Variants in ZEB1 observed in about 807,000 individuals in gnomAD.
ZEB1 encodes the protein zinc finger E-box-binding homeobox 1.
ZEB1 carries 21 observed loss-of-function variants against 84.9 expected under a neutral mutation model. The ratio of observed to expected loss-of-function variants is 0.25; its 90% CI spans 0.18 to 0.36. The LOEUF (loss-of-function observed/expected upper bound fraction) is 0.36. ZEB1 is among the 10% of genes least tolerant of loss of function. The pLI, the probability that ZEB1 is intolerant of heterozygous loss-of-function variation, is 1.00. For missense variants in ZEB1, 1,104 were observed against 1,330.2 expected (o/e 0.83, Z 2.65); for synonymous variants, 420 against 471.1 (o/e 0.89, Z 1.41).
intron 2 of ZEB1, among the ~76,000 whole-genome samples, chr10:31,480,963 C>G (rs2064968759): frequency 6.6e-6 from 1 of 151,888 alleles, no homozygotes; most frequent in Admixed American, 6.6e-5. Flanking sequence ...GGAAACATTG[C>G]CATAGTTATA....
intron 2 of ZEB1, among the ~76,000 whole-genome samples, chr10:31,468,706 C>A (rs1406380501): frequency 6.6e-6 from 1 of 152,124 alleles, no homozygotes; most frequent in Non-Finnish European, 1.5e-5. Context: ...CCTAAAAGCA[C>A]GTAGAAGCAA....
intron 1 of ZEB1, among the ~76,000 whole-genome samples, chr10:31,408,531 T>G (rs1032479023): frequency 1.6e-4 from 24 of 149,170 alleles, no homozygotes; most frequent in Non-Finnish European, 3.4e-4. Context: ...AGCATGGTAC[T>G]GGTACCAAAA....
intron 1 of ZEB1, among the ~76,000 whole-genome samples, chr10:31,407,883 G>T (rs1469514153): frequency 1.3e-4 from 20 of 149,564 alleles, no homozygotes; most frequent in African/African-American, 3.5e-4. Flanking sequence ...AGTGTTGGAA[G>T]TTCTGGCCAG....
intron 3 of ZEB1, among the ~76,000 whole-genome samples, chr10:31,497,539 G>A (rs2067423982): frequency 6.6e-6 from 1 of 152,134 alleles, no homozygotes; most frequent in African/African-American, 2.4e-5. Flanking sequence ...TAAAGCTCCA[G>A]TGAGTGTAGC....
intron 2 of ZEB1, among the ~76,000 whole-genome samples, chr10:31,472,445 G>C (rs1199189629): frequency 5.3e-5 from 8 of 152,060 alleles, no homozygotes; most frequent in South Asian, 2.1e-4. Flanking sequence ...TGCAAATAAA[G>C]TAGAAAATCT....
At position 31,520,308 on chromosome 10, in the gene ZEB1, C is replaced by T. The variant is rs1057518956; in HGVS notation, c.976C>T (p.Arg326Ter). Reference protein sequence around the residue: ...SLSASPGSPTRPQIRQKIENK... With the variant: ...SLSASPGSPT ...TTCAGCATCACCAGGCAGTCCCACA[C>T]GACCACAGATACGGCAAAAGATAGA... The change falls in exon 7 of 9, where the codon CGA becomes TGA. Residue 326 changes from arginine to a stop codon, truncating the protein, a stop_gained. Transcript: ENST00000424869. LOFTEE classifies it high-confidence loss of function. This position sits in a 1 kb window ranked among gnomAD's most constrained non-coding sequence, Gnocchi z 5.1. The T allele has an allele frequency of 1.2e-6, 2 of 1,613,960 alleles. No homozygotes were observed. Among genetic ancestry groups the T allele is most frequent in the Non-Finnish European group, 1.7e-6 (2 of 1,179,924 alleles).
chr10:31,338,527 A>G (rs2038690969), intron 1 of ZEB1, among the ~76,000 whole-genome samples: 1 of 152,188 alleles, frequency 6.6e-6, no homozygotes, highest in Non-Finnish European at 1.5e-5. Flanking sequence ...TATGTCATCT[A>G]TTTCAATGTT....
chr10:31,438,869 TATACAC>T (rs1375277856), intron 1 of ZEB1, among the ~76,000 whole-genome samples: 1 of 152,092 alleles, frequency 6.6e-6, no homozygotes, highest in Admixed American at 6.6e-5. Context: ...TCTATAGAAA[TATACAC>T]ATATACATAC....
chr10:31,517,084 G>C (rs1046848145), intron 6 of ZEB1, among the ~76,000 whole-genome samples: 5 of 151,982 alleles, frequency 3.3e-5, no homozygotes, highest in African/African-American at 4.8e-5. Flanking sequence ...AAGCCAACTG[G>C]TCATTCACCA....
In ZEB1 at chr10:31,332,080, C is replaced by A. The variant is rs188569194; in HGVS notation, c.58+12788C>A. Among the ~76,000 whole-genome samples the A allele has an allele frequency of 6.6e-5, 10 of 152,048 alleles. No individual in the cohort carries two copies. In the East Asian group the frequency reaches 1.9e-3, roughly 29 times the overall value. ...CTAAAAGTGAAAAAAGTTGTAAAAC[C>A]TGATGTATCCTGCTTTCCTGAGTTT... On this transcript the variant is annotated intron_variant, in intron 1 of 8. Transcript: ENST00000424869.
chr10:31,356,985 T>C (rs1252471039), intron 1 of ZEB1, among the ~76,000 whole-genome samples: 1 of 151,300 alleles, frequency 6.6e-6, no homozygotes, highest in Admixed American at 6.6e-5. Context: ...ACAATAACTC[T>C]ACAGGGCAAA....
At chr10:31,359,032 C>T (rs183699134) in intron 1 of ZEB1, among the ~76,000 whole-genome samples, 4 of 151,492 alleles carry the variant, frequency 2.6e-5, no homozygotes, top group Non-Finnish European at 2.9e-5. Flanking sequence ...TGTCGTTTTG[C>T]CCCAAATCAA....
At chr10:31,507,593 C>T (rs1366267561) in intron 4 of ZEB1, among the ~76,000 whole-genome samples, 1 of 151,848 alleles carries the variant, frequency 6.6e-6, no homozygotes, top group Non-Finnish European at 1.5e-5. Flanking sequence ...AATTCTTCTT[C>T]TGCTTGACCT....
At position 31,520,387 on chromosome 10, in the gene ZEB1, T is replaced by C. The variant is rs767419782; in HGVS notation, c.1055T>C (p.Val352Ala). ...LSVNQIKTEP[V>A]DYEFKPIVVA... is the part of the protein sequence containing the mutation. Reference sequence around the variant, plus strand: ...GTTAACCAAATTAAAACTGAACCTGTGGATTATGAATTCAAACCCATAGTG... The same window carrying C: ...GTTAACCAAATTAAAACTGAACCTGCGGATTATGAATTCAAACCCATAGTG... Residue 352 changes from valine (V) to alanine (A), a missense_variant, in exon 7 of 9, where the codon GTG becomes GCG. Val to Ala is a moderately conservative substitution (Grantham distance 64). Around this residue, in one of 7 missense-constraint regions of ZEB1, gnomAD observed 111 missense variants for 161.8 expected, o/e 0.69. Transcript: ENST00000424869. This position sits in a 1 kb window ranked among gnomAD's most constrained non-coding sequence, Gnocchi z 5.1. The C allele has an allele frequency of 9.1e-5, 147 of 1,613,874 alleles. No homozygotes were observed. The highest frequency in any genetic ancestry group is 1.2e-4 in the Non-Finnish European group (141 of 1,179,960).
chr10:31,380,865 C>T (rs2839659), intron 1 of ZEB1, among the ~76,000 whole-genome samples: 44,752 of 151,970 alleles, frequency 0.29, 8,232 homozygotes, highest in Non-Finnish European at 0.4. Context: ...TTTTAATGAA[C>T]GTTGTCAGTA....
intron 1 of ZEB1, among the ~76,000 whole-genome samples, chr10:31,378,587 T>A (rs74127720): frequency 6.6e-6 from 1 of 151,682 alleles, no homozygotes; most frequent in African/African-American, 2.4e-5. Flanking sequence ...TGCAATGATA[T>A]GAAAGAAGAC....
At chr10:31,349,773 T>A (rs1180801387) in intron 1 of ZEB1, among the ~76,000 whole-genome samples, 1 of 152,214 alleles carries the variant, frequency 6.6e-6, no homozygotes, top group Non-Finnish European at 1.5e-5. Flanking sequence ...ATTTATTTTC[T>A]TGCTATTTAG....
intron 1 of ZEB1, among the ~76,000 whole-genome samples, chr10:31,325,738 T>A (rs796848823): frequency 1.3e-4 from 20 of 152,166 alleles, no homozygotes; most frequent in African/African-American, 4.8e-4. Flanking sequence ...TTTATTGTTT[T>A]ATTCTATATT....
chr10:31,465,101 G>A (rs1295570858), intron 2 of ZEB1, among the ~76,000 whole-genome samples: 1 of 152,002 alleles, frequency 6.6e-6, no homozygotes, highest in Non-Finnish European at 1.5e-5. Flanking sequence ...TAACTCAAAG[G>A]ATAAATACCT....
Sources: allele counts gnomAD v4.1 joint callset (sites outside exome capture counted in the v4.1 genomes callset), GRCh38; gene constraint gnomAD v4.1.1; regional missense constraint gnomAD v4.1.1; non-coding constraint Gnocchi (gnomAD v3.1); transcripts MANE v1.5; gene names NCBI Gene and HGNC (gene_info 2026-07-23, HGNC 2026-07-21).